The following GLI2 variants were observed in gnomAD, a reference collection of about 807,000 sequenced individuals.
The protein encoded by GLI2 is transcription activator GLI2.
Under a neutral mutation model 78.9 loss-of-function variants are expected in GLI2, and 22 were observed. That is an observed-to-expected ratio of 0.28 (90% CI 0.20 to 0.40). The LOEUF (loss-of-function observed/expected upper bound fraction) is 0.40. GLI2 is among the 10% of genes least tolerant of loss of function. GLI2 has a pLI of 1.00. For missense variants in GLI2, 2,097 were observed against 2,213.2 expected, an observed-to-expected ratio of 0.95 and a Z score of 1.05; for synonymous variants, 974 against 963.7, an observed-to-expected ratio of 1.01 and a Z score of -0.20.
chr2:120,988,680 G>T lies in GLI2; in HGVS notation c.2715G>T (p.Ala905=), dbSNP rs757174830. The change falls in exon 14 of 14, where the codon GCG becomes GCT. Residue 905 remains alanine (A), a synonymous_variant. Coordinates refer to ENST00000361492, the MANE Select transcript of GLI2 (RefSeq NM_001374353.1). ...GGACCAGGCTGGCGCTGCTGGACGCGCCCGAGCGCACGCTGCCCGCCGGCT... is the reference window on the plus strand; with the variant it reads ...GGACCAGGCTGGCGCTGCTGGACGCTCCCGAGCGCACGCTGCCCGCCGGCT... ...SLRTRLALLD[A]PERTLPAGCP... is the part of the protein sequence containing the mutation. 33 of 1,323,476 alleles carry T rather than the reference G, an allele frequency of 2.5e-5. No individual in the cohort carries two copies. In the East Asian group the frequency reaches 1.2e-3, roughly 48 times the overall value. The allele number at this position is 1,323,476 out of a possible 1,614,324, so 82.0% of individuals were successfully genotyped here. A position where few individuals can be genotyped will look rare whatever the true frequency, so the allele number is the denominator to read the frequency against.
At chr2:120,857,501 C>T (rs1687715436) in intron 2 of GLI2, among the ~76,000 whole-genome samples, 1 of 119,984 alleles carries the variant, frequency 8.3e-6, no homozygotes, top group Non-Finnish European at 1.8e-5. Context: ...ACCTACCCAT[C>T]TGCCCGCCCA....
At chr2:120,908,651 C>T (rs1203572918) in intron 2 of GLI2, among the ~76,000 whole-genome samples, 1 of 152,132 alleles carries the variant, frequency 6.6e-6, no homozygotes, top group Non-Finnish European at 1.5e-5. Context: ...CTGCTTGGGC[C>T]CCCTGGCTCC....
At chr2:120,951,021 G>A (rs1291380246) in intron 3 of GLI2, among the ~76,000 whole-genome samples, 3 of 152,194 alleles carry the variant, frequency 2.0e-5, no homozygotes, top group Non-Finnish European at 4.4e-5. Flanking sequence ...GCGGGTGCAC[G>A]CACCAGCGTG....
chr2:120,789,902 G>A (rs1354906799), intron 1 of GLI2, among the ~76,000 whole-genome samples: 2 of 152,240 alleles, frequency 1.3e-5, no homozygotes, highest in Non-Finnish European at 2.9e-5. Flanking sequence ...TGGCCCAGTA[G>A]GAGTAGCTGC....
At chr2:120,910,205 T>C (rs1452391492) in intron 2 of GLI2, among the ~76,000 whole-genome samples, 1 of 152,116 alleles carries the variant, frequency 6.6e-6, no homozygotes, top group Non-Finnish European at 1.5e-5. Flanking sequence ...CTTATAATGC[T>C]AACAAGCCGT....
chr2:120,784,137 A>G (rs1050467078), intron 1 of GLI2, among the ~76,000 whole-genome samples: 2 of 152,208 alleles, frequency 1.3e-5, no homozygotes, highest in Middle Eastern at 3.2e-3. Context: ...GCCCTCACTC[A>G]TGGCATGCTT....
In GLI2 at chr2:120,892,242, G is replaced by A. The variant is rs534629643; in HGVS notation, c.149-35119G>A. On this transcript the variant is annotated intron_variant, in intron 2 of 13. Coordinates refer to ENST00000361492, the MANE Select transcript of GLI2 (RefSeq NM_001374353.1). ...GGTTCTTCTGGGCCACAGGAGAAAC[G>A]TTTGTTTCACGAGAGGTTTCTGCAG... is the stretch of plus-strand genomic sequence containing the variant. Among the ~76,000 whole-genome samples the A allele has an allele frequency of 2.0e-5, 3 of 152,306 alleles. No homozygotes were observed. The South Asian group carries it at 6.2e-4, about 32-fold the overall frequency.
intron 3 of GLI2, among the ~76,000 whole-genome samples, chr2:120,930,820 A>G (rs1020405295): frequency 1.3e-5 from 2 of 152,162 alleles, no homozygotes. Context: ...TTCCCTGTGT[A>G]GGTGGGAGCC....
chr2:120,748,068 T>C (rs940412349), intron 1 of GLI2, among the ~76,000 whole-genome samples: 2 of 152,204 alleles, frequency 1.3e-5, no homozygotes, highest in Admixed American at 6.5e-5. Context: ...TTCTCAAATG[T>C]GCGTATTCCT....
Position 120,989,498 on chromosome 2 carries a change from C to G in GLI2, c.3533C>G (p.Pro1178Arg). Residue 1178 changes from proline to arginine, a missense_variant, in exon 14 of 14, where the codon CCT (proline) becomes CGT (arginine). Pro to Arg is a moderately radical substitution (Grantham distance 103). Coordinates refer to ENST00000361492, the MANE Select transcript of GLI2 (RefSeq NM_001374353.1). ...GYSPQGLQAS[P>R]GGLDSTQPHL... ...AGTCCGCAAGGCCTACAGGCTAGCC[C>G]TGGGGGCCTGGACAGCACGCAGCCA... 1 of 1,612,226 alleles carries G rather than the reference C, an allele frequency of 6.2e-7. No individual in the cohort carries two copies. Among genetic ancestry groups the G allele is most frequent in the South Asian group, 1.1e-5 (1 of 91,030 alleles).
At chr2:120,754,281 T>C (rs1426015779) in intron 1 of GLI2, among the ~76,000 whole-genome samples, 10 of 152,198 alleles carry the variant, frequency 6.6e-5, no homozygotes, top group Admixed American at 5.2e-4. Context: ...GCCAATCTGA[T>C]AGTTGGAAGA....
rs917890798 is a variant in GLI2 at position 120,926,918 on chromosome 2, G to A, written c.149-443G>A. Among the ~76,000 whole-genome samples, 7 of 152,230 alleles carry A rather than the reference G, an allele frequency of 4.6e-5. 1 individual carries two copies. The highest frequency in any genetic ancestry group is 2.6e-4 in the Admixed American group (4 of 15,288). ...TCTGTGGGCCGTGCCATCACAAATG[G>A]CTCTAGGTCAACACCTCCAGCCTGC... On this transcript the variant is annotated intron_variant, in intron 2 of 13. Coordinates refer to ENST00000361492, the MANE Select transcript of GLI2 (RefSeq NM_001374353.1).
At position 120,989,061 on chromosome 2, in the gene GLI2, CGAGGCCGACCTGGGGCTGCCG is replaced by C; in HGVS notation, c.3101_3121del (p.Ala1034_Glu1040del). Reference sequence around the variant, plus strand: ...CGGCAGGAGTGGACGGCGCGGGGCCCGAGGCCGACCTGGGGCTGCCGGAGGACGACCTGGTGCTTCCAGACG... The same window carrying C: ...CGGCAGGAGTGGACGGCGCGGGGCCCGAGGACGACCTGGTGCTTCCAGACG... On this transcript the variant is annotated inframe_deletion, in exon 14 of 14. Coordinates refer to ENST00000361492, the MANE Select transcript of GLI2 (RefSeq NM_001374353.1). The C allele has an allele frequency of 6.2e-7, 1 of 1,609,998 alleles. No homozygotes were observed. The highest frequency in any genetic ancestry group is 8.5e-7 in the Non-Finnish European group (1 of 1,179,644).
At chr2:120,972,761 G>A (rs1363808315) in intron 8 of GLI2, 2 of 495,190 alleles carry the variant, frequency 4.0e-6, no homozygotes, top group Non-Finnish European at 8.1e-6. Flanking sequence ...GACAGGACAA[G>A]TTCAAGCGGG....
At chr2:120,957,621 C>T (rs1422913153) in intron 5 of GLI2, among the ~76,000 whole-genome samples, 1 of 152,200 alleles carries the variant, frequency 6.6e-6, no homozygotes, top group Admixed American at 6.5e-5. Flanking sequence ...AGAGAAACCA[C>T]GGCCAAGAGA....
intron 2 of GLI2, among the ~76,000 whole-genome samples, chr2:120,865,161 C>T (rs1573502140): frequency 6.6e-6 from 1 of 152,244 alleles, no homozygotes; most frequent in East Asian, 1.9e-4. Context: ...CTAAACGTGG[C>T]TCGAGTGTCT....
At position 120,736,157 on chromosome 2, in the gene GLI2, G is replaced by A. The variant is rs944222768; in HGVS notation, c.-159G>A. 7 of 151,924 alleles carry A rather than the reference G, an allele frequency of 4.6e-5. No individual in the cohort carries two copies. The highest frequency in any genetic ancestry group is 1.7e-4 in the African/African-American group (7 of 41,404). 9.4% of individuals were successfully genotyped at this position (151,924 alleles called of 1,614,324 possible). A position where few individuals can be genotyped will look rare whatever the true frequency, so the allele number is the denominator to read the frequency against. On this transcript the variant is annotated 5_prime_UTR_variant, in exon 1 of 14. Transcript: ENST00000361492. ...TGCCTGGCCCGCCCCGCCCCGGCTG[G>A]CTGGAGCCCCGGCACAAGGCAGCCA...
At chr2:120,949,631 G>A (rs539589091) in intron 3 of GLI2, among the ~76,000 whole-genome samples, 1 of 152,334 alleles carries the variant, frequency 6.6e-6, no homozygotes, top group South Asian at 2.1e-4. Flanking sequence ...CACAGTATAG[G>A]GTGCAGGAAG....
chr2:120,834,971 G>C lies in GLI2; in HGVS notation c.148+37503G>C, dbSNP rs911444951. On this transcript the variant is annotated intron_variant, in intron 2 of 13. Transcript: ENST00000361492. The stretch of plus-strand genomic sequence containing the variant: ...CTCACTCTTCAGCTCGTTTTCCACT[G>C]TTTGTGTGCGACATTTGGGTGGAGT... Among the ~76,000 whole-genome samples, 33 of 152,130 alleles carry C rather than the reference G, an allele frequency of 2.2e-4. 1 individual carries two copies. The highest frequency in any genetic ancestry group is 8.0e-4 in the African/African-American group (33 of 41,424).
Sources: allele counts gnomAD v4.1 joint callset (sites outside exome capture counted in the v4.1 genomes callset), GRCh38; gene constraint gnomAD v4.1.1; transcripts MANE v1.5; gene names NCBI Gene and HGNC (gene_info 2026-07-23, HGNC 2026-07-21).